The following MUC5B variants were observed in gnomAD, a reference collection of about 807,000 sequenced individuals.
The protein encoded by MUC5B is mucin-5B.
MUC5B carries 116 observed loss-of-function variants against 376.9 expected under a neutral mutation model. The ratio of observed to expected loss-of-function variants is 0.31; its 90% CI spans 0.26 to 0.36. The LOEUF is 0.36. Ranked by LOEUF, MUC5B falls within the 10% of genes least tolerant of loss-of-function variation. The pLI, the probability that MUC5B is intolerant of heterozygous loss-of-function variation, is 1.00. For missense variants in MUC5B, 7,165 were observed against 7,769.9 expected (o/e 0.92, Z 2.93); for synonymous variants, 3,517 against 3,390.9 (o/e 1.04, Z -1.29).
Position 1,242,644 on chromosome 11 carries a change from T to C in MUC5B, c.5764T>C (p.Ser1922Pro), listed in dbSNP as rs1315691490. 6.2e-7 allele frequency: 1 copy of C among 1,613,300 alleles called. No individual in the cohort carries two copies. The highest frequency in any genetic ancestry group is 2.2e-5 in the East Asian group (1 of 44,820). Residue 1922 changes from serine (S) to proline (P), a missense_variant, in exon 31 of 49, where the codon TCC becomes CCC. Around this residue, in one of 31 missense-constraint regions of MUC5B, gnomAD observed 897 missense variants for 779.6 expected, o/e 1.15. Coordinates refer to ENST00000529681, the MANE Select transcript of MUC5B (RefSeq NM_002458.3). Reference protein sequence around the residue: ...TTATTTASTGSTATPTSTLRT... With the variant: ...TTATTTASTGPTATPTSTLRT... Reference sequence around the variant, plus strand: ...AGCCACTACGACTGCGTCCACTGGATCCACGGCCACCCCGACCTCCACCCT... The same window carrying C: ...AGCCACTACGACTGCGTCCACTGGACCCACGGCCACCCCGACCTCCACCCT...
At position 1,251,222 on chromosome 11, in the gene MUC5B, C is replaced by A; in HGVS notation, c.14342C>A (p.Ser4781Tyr). The A allele has an allele frequency of 1.2e-6, 2 of 1,611,454 alleles. 1 individual carries two copies. Among genetic ancestry groups the A allele is most frequent in the Non-Finnish European group, 1.7e-6 (2 of 1,178,268 alleles). Residue 4781 changes from serine (S) to tyrosine (Y), a missense_variant, in exon 31 of 49, where the codon TCC becomes TAC. Physicochemically the swap from Ser to Tyr is moderately radical, Grantham distance 144. Around this residue, in one of 31 missense-constraint regions of MUC5B, gnomAD observed 730 missense variants for 592.7 expected, o/e 1.23. Coordinates refer to ENST00000529681, the MANE Select transcript of MUC5B (RefSeq NM_002458.3). ...PMSTMSTIHTSSTPETTHTST... is the reference protein window; with the variant it reads ...PMSTMSTIHTYSTPETTHTST... ...TCCACCATGTCCACAATCCACACCT[C>A]CTCTACTCCAGAGACCACCCACACC...
chr11:1,223,106 C>T lies in MUC5B; in HGVS notation c.-18C>T. On this transcript the variant is annotated 5_prime_UTR_variant, in exon 1 of 49. Transcript: ENST00000529681. The stretch of plus-strand genomic sequence containing the variant: ...CTCCCTGCCCGTCCCCGTCCCCCCA[C>T]CCGTGCCAGCCCCCAGGATGGGTGC... The T allele has an allele frequency of 2.9e-6, 2 of 699,616 alleles. No homozygotes were observed. The highest frequency in any genetic ancestry group is 5.2e-6 in the Non-Finnish European group (2 of 382,276). The allele number at this position is 699,616 out of a possible 1,614,324, so 43.3% of individuals were successfully genotyped here. A position where few individuals can be genotyped will look rare whatever the true frequency, so the allele number is the denominator to read the frequency against.
chr11:1,233,109 C>T lies in MUC5B; in HGVS notation c.2162C>T (p.Thr721Ile). The T allele has an allele frequency of 3.7e-6, 6 of 1,608,096 alleles. No individual in the cohort carries two copies. Among genetic ancestry groups the T allele is most frequent in the Non-Finnish European group, 2.5e-6 (3 of 1,179,486 alleles). The part of the protein sequence containing the change: ...TCRGLSEADV[T>I]CSVSFVPVDG... Reference sequence around the variant, plus strand: ...CGCGGCCTGAGTGAGGCCGACGTCACCTGCAGCGTTTCCTTCGTGCCTGTG... The same window carrying T: ...CGCGGCCTGAGTGAGGCCGACGTCATCTGCAGCGTTTCCTTCGTGCCTGTG... Residue 721 changes from threonine to isoleucine, a missense_variant, in exon 18 of 49, where the codon ACC becomes ATC. This residue lies in a region of MUC5B where 530 missense variants were observed against 604.0 expected (regional missense o/e 0.88). Transcript: ENST00000529681.
chr11:1,260,149 T>C (rs1226870296), intron 46 of MUC5B, 64 bp downstream of exon 46: 2 of 1,583,018 alleles, frequency 1.3e-6, no homozygotes, highest in Non-Finnish European at 1.7e-6. Context: ...CCAACCCCTG[T>C]CTGGGATGCC....
chr11:1,225,303 A>G (rs1861854579), intron 1 of MUC5B, among the ~76,000 whole-genome samples: 2 of 152,214 alleles, frequency 1.3e-5, no homozygotes, highest in South Asian at 2.1e-4. Context: ...GGGGCGGCCA[A>G]CGCCTTTTCC....
chr11:1,257,132 C>CA lies in MUC5B; in HGVS notation c.16238-107dup, dbSNP rs1862858883. 1 of 746,308 alleles carries CA rather than the reference C, an allele frequency of 1.3e-6. No individual in the cohort carries two copies. Among genetic ancestry groups the CA allele is most frequent in the Admixed American group, 1.8e-5 (1 of 54,378 alleles). The allele number at this position is 746,308 out of a possible 1,614,324, so 46.2% of individuals were successfully genotyped here. A position where few individuals can be genotyped will look rare whatever the true frequency, so the allele number is the denominator to read the frequency against. ...ACCCCAAAAGTTCTCCAGGGCCTTC[C>CA]ATCCCGGGGGGAAGCAGGCTCCAGG... is the stretch of plus-strand genomic sequence containing the variant. On this transcript the variant is annotated intron_variant, in intron 39 of 48. Transcript: ENST00000529681. The surrounding 1 kb of genome is among the most constrained non-coding windows in gnomAD (Gnocchi z 8.9).
Position 1,235,618 on chromosome 11 carries a change from G to A in MUC5B, c.2880+205G>A, listed in dbSNP as rs373890046. 96 of 597,124 alleles carry A rather than the reference G, an allele frequency of 1.6e-4. 1 individual carries two copies. Among genetic ancestry groups the A allele is most frequent in the Non-Finnish European group, 2.0e-4 (68 of 332,104 alleles). 37.0% of individuals were successfully genotyped at this position (597,124 alleles called of 1,614,324 possible). A position where few individuals can be genotyped will look rare whatever the true frequency, so the allele number is the denominator to read the frequency against. ...GGAGCCGGAAGTCAGAGATCCAGGC[G>A]GGCAGGGCCACACTCCCTGTCGAGG... On this transcript the variant is annotated intron_variant, in intron 23 of 48. Coordinates refer to ENST00000529681, the MANE Select transcript of MUC5B (RefSeq NM_002458.3).
At position 1,250,843 on chromosome 11, in the gene MUC5B, A is replaced by G. The variant is rs1564949271; in HGVS notation, c.13963A>G (p.Thr4655Ala). The change falls in exon 31 of 49, where the codon ACC (threonine) becomes GCC (alanine). Residue 4655 changes from threonine (T) to alanine (A), a missense_variant. Transcript: ENST00000529681. ...CCACACCGCCAGAGTGCTGACCACC[A>G]CCACCACAACTGTGGCCACTGGTTC... ...TTHTARVLTT[T>A]TTTVATGSMA... 1 of 1,610,780 alleles carries G rather than the reference A, an allele frequency of 6.2e-7. No individual in the cohort carries two copies. The highest frequency in any genetic ancestry group is 1.1e-5 in the South Asian group (1 of 90,816).
Position 1,242,722 on chromosome 11 carries a change from G to C in MUC5B, c.5842G>C (p.Val1948Leu). Reference protein sequence around the residue: ...VLTTTATTPTVTSSKATPSSS... With the variant: ...VLTTTATTPTLTSSKATPSSS... The stretch of plus-strand genomic sequence containing the variant: ...GACCACCACGGCCACCACACCCACA[G>C]TCACCAGCTCCAAAGCCACTCCCTC... The change falls in exon 31 of 49, where the codon GTC becomes CTC. Residue 1948 changes from valine to leucine, a missense_variant. By Grantham distance (32) the Val-to-Leu change is conservative. Coordinates refer to ENST00000529681, the MANE Select transcript of MUC5B (RefSeq NM_002458.3). 2 of 1,613,086 alleles carry C rather than the reference G, an allele frequency of 1.2e-6. No individual in the cohort carries two copies. The highest frequency in any genetic ancestry group is 1.7e-6 in the Non-Finnish European group (2 of 1,179,502).
chr11:1,247,151 C>A lies in MUC5B; in HGVS notation c.10271C>A (p.Thr3424Asn). 6.5e-7 allele frequency: 1 copy of A among 1,539,428 alleles called. No homozygotes were observed. Among genetic ancestry groups the A allele is most frequent in the Non-Finnish European group, 8.9e-7 (1 of 1,129,176 alleles). The change falls in exon 31 of 49, where the codon ACC (threonine) becomes AAC (asparagine). Residue 3424 changes from threonine to asparagine, a missense_variant. Transcript: ENST00000529681. Reference protein sequence around the residue: ...PIPPVLTTTATTPAATSSTVT... With the variant: ...PIPPVLTTTANTPAATSSTVT... Reference sequence around the variant, plus strand: ...CCCCCAGTGCTGACCACCACCGCCACCACACCTGCAGCCACCAGCAGCACA... The same window carrying A: ...CCCCCAGTGCTGACCACCACCGCCAACACACCTGCAGCCACCAGCAGCACA...
rs780920235 is a variant in MUC5B at position 1,232,994 on chromosome 11, CT to C, written c.2066-18del. On this transcript the variant is annotated intron_variant, in intron 17 of 48. Coordinates refer to ENST00000529681, the MANE Select transcript of MUC5B (RefSeq NM_002458.3). ...CTGCTCGGCCGCTGACCTGTCCCCC[CT>C]GGCCCCACCGACCACAGCCAAGTAC... 39 of 1,561,370 alleles carry C rather than the reference CT, an allele frequency of 2.5e-5. No homozygotes were observed. Among genetic ancestry groups the C allele is most frequent in the Admixed American group, 1.1e-4 (6 of 55,388 alleles).
intron 17 of MUC5B, 43 bp downstream of exon 17, chr11:1,232,813 G>T: frequency 6.5e-7 from 1 of 1,537,324 alleles, no homozygotes; most frequent in East Asian, 2.3e-5. Flanking sequence ...ACACCGCGTG[G>T]GGGTGCGGGG....
In MUC5B at chr11:1,234,401, C is replaced by T; in HGVS notation, c.2478+96C>T. The T allele has an allele frequency of 2.0e-6, 3 of 1,496,284 alleles. No individual in the cohort carries two copies. Among genetic ancestry groups the T allele is most frequent in the Non-Finnish European group, 2.7e-6 (3 of 1,104,224 alleles). 92.7% of individuals were successfully genotyped at this position (1,496,284 alleles called of 1,614,324 possible). ...ATCTGGTGGTCCTGGAGACACTTACCCACCTGGAAGCTCCGCCCTGGCCCA... is the reference window on the plus strand; with the variant it reads ...ATCTGGTGGTCCTGGAGACACTTACTCACCTGGAAGCTCCGCCCTGGCCCA... On this transcript the variant is annotated intron_variant, in intron 20 of 48. Transcript: ENST00000529681. The surrounding 1 kb of genome is among the most constrained non-coding windows in gnomAD (Gnocchi z 6.3).
chr11:1,246,696 G>T lies in MUC5B; in HGVS notation c.9816G>T (p.Glu3272Asp), dbSNP rs1461034252. The T allele has an allele frequency of 3.1e-6, 5 of 1,609,208 alleles. No homozygotes were observed. The South Asian group carries it at 5.5e-5, about 18-fold the overall frequency. Residue 3272 changes from glutamate (E) to aspartate (D), a missense_variant, in exon 31 of 49, where the codon GAG becomes GAT. Around this residue, in one of 31 missense-constraint regions of MUC5B, gnomAD observed 939 missense variants for 770.6 expected, o/e 1.22. Coordinates refer to ENST00000529681, the MANE Select transcript of MUC5B (RefSeq NM_002458.3). ...MSTATPSSTP[E>D]TVHTSTVLTT... ...CAGCCACACCCTCCTCTACTCCAGA[G>T]ACTGTCCACACCTCCACAGTGCTTA...
intron 2 of MUC5B, 97 bp downstream of exon 2, chr11:1,225,834 G>C (rs369627781): frequency 2.5e-6 from 3 of 1,194,740 alleles, no homozygotes; most frequent in Non-Finnish European, 3.6e-6. Flanking sequence ...GCAGCCATGC[G>C]TCTGACAGAG....
chr11:1,232,863 G>T, intron 17 of MUC5B, 93 bp downstream of exon 17: 1 of 1,479,106 alleles, frequency 6.8e-7, no homozygotes. Flanking sequence ...ACGGTTCTCA[G>T]CCCAGAGCTT....
intron 17 of MUC5B, 92 bp from the exon 18 acceptor site, chr11:1,232,921 C>T: frequency 6.8e-7 from 1 of 1,466,676 alleles, no homozygotes. Flanking sequence ...CCTTGCGATC[C>T]CCACGTCACA....
At chr11:1,229,622 GGCCGGT>G in intron 9 of MUC5B, 62 bp from the exon 10 acceptor site, 2 of 1,363,966 alleles carry the variant, frequency 1.5e-6, no homozygotes, top group African/African-American at 1.4e-5. Context: ...TTGTCCCCAA[GGCCGGT>G]GTCTTCTGAC....
At chr11:1,230,875 A>G (rs1451780147) in intron 12 of MUC5B, 61 bp from the exon 13 acceptor site, 6 of 1,541,932 alleles carry the variant, frequency 3.9e-6, no homozygotes, top group East Asian at 4.9e-5. Context: ...CCACCCCCTC[A>G]TTTGAGAGTC....
Sources: allele counts gnomAD v4.1 joint callset (sites outside exome capture counted in the v4.1 genomes callset), GRCh38; gene constraint gnomAD v4.1.1; regional missense constraint gnomAD v4.1.1; non-coding constraint Gnocchi (gnomAD v3.1); transcripts MANE v1.5; gene names NCBI Gene and HGNC (gene_info 2026-07-23, HGNC 2026-07-21).